AGBL1: variants seen among roughly 807,000 people sequenced by gnomAD.
AGBL1 encodes the protein AGBL carboxypeptidase 1.
Under a neutral mutation model 118.9 loss-of-function variants are expected in AGBL1, and 130 were observed. The observed-to-expected ratio is 1.09, with a 90% confidence interval of 0.95 to 1.26. The LOEUF (loss-of-function observed/expected upper bound fraction) is 1.26. AGBL1 is among the 50% of genes most tolerant of loss of function. The probability of loss-of-function intolerance (pLI) is 0.00; values close to 1 mark genes in which losing one functional copy is unlikely to be tolerated. For synonymous variants in AGBL1, 555 were observed against 478.9 expected, an observed-to-expected ratio of 1.16 and a Z score of -2.08; for missense variants, 1,584 against 1,298.1, an observed-to-expected ratio of 1.22 and a Z score of -3.38.
chr15:86,444,018 C>T (rs558839599), intron 18 of AGBL1, among the ~76,000 whole-genome samples: 5 of 152,150 alleles, frequency 3.3e-5, no homozygotes, highest in East Asian at 1.9e-4. Flanking sequence ...TAGTTTATGG[C>T]GGAATATCAG....
In AGBL1 at chr15:86,914,270, A is replaced by G. The variant is rs1343376833; in HGVS notation, c.*6976A>G. 6.6e-6 allele frequency: 1 copy of G among 152,210 alleles called. No individual in the cohort carries two copies. Among genetic ancestry groups the G allele is most frequent in the Admixed American group, 6.5e-5 (1 of 15,278 alleles). The allele number at this position is 152,210 out of a possible 1,614,324, so 9.4% of individuals were successfully genotyped here. On this transcript the variant is annotated 3_prime_UTR_variant, in exon 23 of 23. Coordinates refer to ENST00000614907, the MANE Select transcript of AGBL1 (RefSeq NM_001386094.1). ...CACACTTCATTCTGAAGAGGAAGTT[A>G]TTTTGGGAGGTATTAGAGGAGGAAA...
chr15:86,202,358 C>T (rs1401196691), intron 5 of AGBL1, among the ~76,000 whole-genome samples: 1 of 152,036 alleles, frequency 6.6e-6, no homozygotes, highest in Non-Finnish European at 1.5e-5. Flanking sequence ...GTCATATGAC[C>T]CTATTTTCTC....
intron 22 of AGBL1, among the ~76,000 whole-genome samples, chr15:86,777,680 A>T (rs769453199): frequency 1.3e-5 from 2 of 152,116 alleles, no homozygotes; most frequent in Non-Finnish European, 2.9e-5. Context: ...CAGGCCAAAC[A>T]TGTTTTTTAC....
intron 18 of AGBL1, among the ~76,000 whole-genome samples, chr15:86,462,445 A>C (rs1403796581): frequency 6.6e-6 from 1 of 151,870 alleles, no homozygotes; most frequent in African/African-American, 2.4e-5. Flanking sequence ...TTAAAAAAAA[A>C]CACAAAAAAC....
At chr15:86,341,326 T>C (rs1030475413) in intron 17 of AGBL1, among the ~76,000 whole-genome samples, 3 of 152,150 alleles carry the variant, frequency 2.0e-5, no homozygotes, top group Non-Finnish European at 2.9e-5. Flanking sequence ...TTTGTGACAA[T>C]TGGCATTTCT....
rs976501287 is a variant in AGBL1, at chr15:86,914,327, A to T, written c.*7033A>T. On this transcript the variant is annotated 3_prime_UTR_variant, in exon 23 of 23. Coordinates refer to ENST00000614907, the MANE Select transcript of AGBL1 (RefSeq NM_001386094.1). ...CCTGTGTTTCTGCTCTGCTCAGACAATCACATAAGTGACTCATTTCACTCT... is the reference window on the plus strand; with the variant it reads ...CCTGTGTTTCTGCTCTGCTCAGACATTCACATAAGTGACTCATTTCACTCT... 6.6e-6 allele frequency: 1 copy of T among 152,210 alleles called. No individual in the cohort carries two copies. Among genetic ancestry groups the T allele is most frequent in the Admixed American group, 6.5e-5 (1 of 15,280 alleles). 9.4% of individuals were successfully genotyped at this position (152,210 alleles called of 1,614,324 possible). A position where few individuals can be genotyped will look rare whatever the true frequency, so the allele number is the denominator to read the frequency against.
intron 22 of AGBL1, among the ~76,000 whole-genome samples, chr15:86,896,391 T>TG (rs1416152508): frequency 2.7e-5 from 4 of 146,552 alleles, no homozygotes; most frequent in Admixed American, 2.1e-4. Context: ...CCATATACCC[T>TG]GGGTTTAAAA....
At chr15:86,767,367 G>C (rs1002783014) in intron 22 of AGBL1, among the ~76,000 whole-genome samples, 2 of 151,820 alleles carry the variant, frequency 1.3e-5, no homozygotes, top group African/African-American at 4.8e-5. Context: ...GCCAAGCTAG[G>C]GAAAGACAGA....
chr15:86,830,403 C>G (rs1018491211), intron 22 of AGBL1, among the ~76,000 whole-genome samples: 1 of 152,084 alleles, frequency 6.6e-6, no homozygotes, highest in African/African-American at 2.4e-5. Flanking sequence ...GCATTCAGAT[C>G]TCTGTCTTTA....
chr15:86,630,585 G>C (rs1596321097), intron 21 of AGBL1: 1 of 152,350 alleles, frequency 6.6e-6, no homozygotes, highest in East Asian at 1.9e-4. Context: ...TGCAGGTGCT[G>C]CTGGTCCATG....
chr15:86,522,151 A>C (rs1351760639), intron 18 of AGBL1, among the ~76,000 whole-genome samples: 1 of 152,134 alleles, frequency 6.6e-6, no homozygotes, highest in Admixed American at 6.5e-5. Flanking sequence ...CATTCCCCCA[A>C]ATAAGGGAAT....
intron 17 of AGBL1, among the ~76,000 whole-genome samples, chr15:86,359,255 A>G (rs1403192102): frequency 6.6e-6 from 1 of 151,898 alleles, no homozygotes. Context: ...AGTTTTTCCA[A>G]TACCATTTTC....
chr15:86,329,895 G>A, intron 17 of AGBL1, among the ~76,000 whole-genome samples: 1 of 152,140 alleles, frequency 6.6e-6, no homozygotes, highest in Non-Finnish European at 1.5e-5. Flanking sequence ...CCATGCCCAG[G>A]CAGATCTCCA....
intron 21 of AGBL1, among the ~76,000 whole-genome samples, chr15:86,648,071 G>C (rs2085314460): frequency 6.6e-6 from 1 of 152,166 alleles, no homozygotes; most frequent in Non-Finnish European, 1.5e-5. Flanking sequence ...ACCATAACCT[G>C]TAGCCTTTTA....
At chr15:87,029,921 G>A (rs1339041665), downstream of AGBL1, among the ~76,000 whole-genome samples, 1 of 151,748 alleles carries the variant, frequency 6.6e-6, no homozygotes, top group Non-Finnish European at 1.5e-5. Flanking sequence ...TCCCTTGATG[G>A]CTCCTAGGAT....
rs79186023 is a variant in AGBL1 at position 86,245,246 on chromosome 15, A to T, written c.527-2425A>T. On this transcript the variant is annotated intron_variant, in intron 6 of 22. Transcript: ENST00000614907. The stretch of plus-strand genomic sequence containing the variant: ...ATTACATTTCCATGTTATTGTTTGC[A>T]CTCATATGCACTCACATGGTCTTAG... Among the ~76,000 whole-genome samples, 566 of 152,290 alleles carry T rather than the reference A, an allele frequency of 3.7e-3. 2 individuals carry two copies. Among genetic ancestry groups the T allele is most frequent in the African/African-American group, 0.013 (553 of 41,536 alleles).
At chr15:86,748,897 C>G (rs568698653) in intron 22 of AGBL1, among the ~76,000 whole-genome samples, 26 of 151,906 alleles carry the variant, frequency 1.7e-4, no homozygotes, top group East Asian at 1.4e-3. Context: ...GTTCCATGCT[C>G]TTTTGGTTAC....
At chr15:86,163,693 A>G (rs1597479535) in intron 5 of AGBL1, among the ~76,000 whole-genome samples, 3 of 152,084 alleles carry the variant, frequency 2.0e-5, no homozygotes, top group Admixed American at 1.3e-4. Context: ...ACACCACTGC[A>G]CTCCAGCCTG....
chr15:86,601,708 G>C (rs1334355968), intron 21 of AGBL1, among the ~76,000 whole-genome samples: 1 of 152,104 alleles, frequency 6.6e-6, no homozygotes, highest in African/African-American at 2.4e-5. Context: ...TGGTGTTTTA[G>C]GCAGAATCCT....
Sources: allele counts gnomAD v4.1 joint callset (sites outside exome capture counted in the v4.1 genomes callset), GRCh38; gene constraint gnomAD v4.1.1; transcripts MANE v1.5; gene names NCBI Gene and HGNC (gene_info 2026-07-23, HGNC 2026-07-21).